Variants in CNTNAP2 observed in about 807,000 individuals in gnomAD.
The protein encoded by CNTNAP2 is contactin associated protein 2.
CNTNAP2 carries 98 observed loss-of-function variants against 155.2 expected under a neutral mutation model. The ratio of observed to expected loss-of-function variants is 0.63; its 90% CI spans 0.54 to 0.75. CNTNAP2 has a LOEUF of 0.75. Among genes scored for constraint, CNTNAP2 ranks in the 30% least tolerant of loss-of-function variants. The probability of loss-of-function intolerance (pLI) is 0.00; values close to 1 mark genes in which losing one functional copy is unlikely to be tolerated. For missense variants in CNTNAP2, 1,727 were observed against 1,688.1 expected, an observed-to-expected ratio of 1.02 and a Z score of -0.40; for synonymous variants, 651 against 631.2, an observed-to-expected ratio of 1.03 and a Z score of -0.47.
chr7:146,503,088 T>C (rs1444029245), intron 1 of CNTNAP2, among the ~76,000 whole-genome samples: 1 of 152,234 alleles, frequency 6.6e-6, no homozygotes, highest in Admixed American at 6.5e-5. Flanking sequence ...TTCTGGTTAT[T>C]TATCTTTTGT....
At chr7:148,407,636 C>T (rs1463239867) in intron 22 of CNTNAP2, among the ~76,000 whole-genome samples, 8 of 145,598 alleles carry the variant, frequency 5.5e-5, no homozygotes, top group African/African-American at 2.0e-4. Context: ...CCTGGGAGGT[C>T]CAGGCTGCAG....
intron 21 of CNTNAP2, among the ~76,000 whole-genome samples, chr7:148,318,246 A>T (rs1011925689): frequency 3.9e-5 from 6 of 152,186 alleles, no homozygotes; most frequent in Admixed American, 2.0e-4. Context: ...ATCCACATCC[A>T]TCAAACCGCC....
chr7:147,220,213 A>G (rs1241151093), intron 8 of CNTNAP2, among the ~76,000 whole-genome samples: 2 of 152,152 alleles, frequency 1.3e-5, no homozygotes, highest in Middle Eastern at 3.2e-3. Flanking sequence ...TTTCTCCTTT[A>G]TCAATATGAG....
At chr7:147,878,959 A>G (rs1799472157) in intron 13 of CNTNAP2, among the ~76,000 whole-genome samples, 1 of 152,124 alleles carries the variant, frequency 6.6e-6, no homozygotes, top group Admixed American at 6.5e-5. Flanking sequence ...TCTTTTTGGT[A>G]CTGACTCTGT....
chr7:146,788,115 A>G (rs550878932), intron 2 of CNTNAP2, among the ~76,000 whole-genome samples: 2 of 152,296 alleles, frequency 1.3e-5, no homozygotes, highest in East Asian at 3.9e-4. Flanking sequence ...CAGGCACTCC[A>G]GCAGCCCAGA....
At chr7:146,207,637 GTTTTTT>G (rs57881187) in intron 1 of CNTNAP2, among the ~76,000 whole-genome samples, 1 of 122,358 alleles carries the variant, frequency 8.2e-6, no homozygotes, top group Non-Finnish European at 1.7e-5. Flanking sequence ...ACAGGACTGT[GTTTTTT>G]TTTTTTTTTT....
intron 1 of CNTNAP2, among the ~76,000 whole-genome samples, chr7:146,693,683 A>T (rs1800734955): frequency 6.6e-6 from 1 of 152,132 alleles, no homozygotes; most frequent in Admixed American, 6.6e-5. Flanking sequence ...CAAATGAAAT[A>T]CTGAGCAACA....
At chr7:146,165,782 T>A (rs1798303420) in intron 1 of CNTNAP2, among the ~76,000 whole-genome samples, 1 of 152,196 alleles carries the variant, frequency 6.6e-6, no homozygotes, top group Non-Finnish European at 1.5e-5. Context: ...GGTTATAATA[T>A]ACAAAAATAA....
chr7:148,005,027 A>G (rs572193075), intron 15 of CNTNAP2, among the ~76,000 whole-genome samples: 1 of 152,322 alleles, frequency 6.6e-6, no homozygotes, highest in South Asian at 2.1e-4. Context: ...CCATATTCAC[A>G]GTTACAGACT....
chr7:146,711,170 G>A (rs1374071172), intron 1 of CNTNAP2, among the ~76,000 whole-genome samples: 1 of 150,140 alleles, frequency 6.7e-6, no homozygotes, highest in African/African-American at 2.4e-5. Context: ...ATGCTTGCAA[G>A]GCAGAATTTG....
intron 14 of CNTNAP2, among the ~76,000 whole-genome samples, chr7:147,943,643 C>T (rs1800766028): frequency 6.6e-6 from 1 of 151,686 alleles, no homozygotes; most frequent in African/African-American, 2.4e-5. Context: ...GTGGCACAGG[C>T]TTGTAATCCC....
At chr7:146,240,034 A>G (rs1404057676) in intron 1 of CNTNAP2, among the ~76,000 whole-genome samples, 1 of 152,224 alleles carries the variant, frequency 6.6e-6, no homozygotes, top group Non-Finnish European at 1.5e-5. Flanking sequence ...AGAATATCTT[A>G]TATAACCCAT....
intron 1 of CNTNAP2, among the ~76,000 whole-genome samples, chr7:146,188,747 AT>A: frequency 6.6e-6 from 1 of 152,304 alleles, no homozygotes; most frequent in Non-Finnish European, 1.5e-5. Context: ...AAGTTCATTT[AT>A]TTTGCATCTT....
chr7:147,056,510 C>G (rs1799564196), intron 4 of CNTNAP2, among the ~76,000 whole-genome samples: 2 of 152,156 alleles, frequency 1.3e-5, no homozygotes, highest in Non-Finnish European at 2.9e-5. Flanking sequence ...GGACTCTGAA[C>G]ATGGTTGGAT....
chr7:146,617,800 C>A (rs140288420), intron 1 of CNTNAP2, among the ~76,000 whole-genome samples: 6 of 151,920 alleles, frequency 3.9e-5, no homozygotes, highest in African/African-American at 1.5e-4. Flanking sequence ...AAGTCTGAAA[C>A]GTAAAATTTC....
intron 15 of CNTNAP2, among the ~76,000 whole-genome samples, chr7:147,983,649 A>G (rs998206711): frequency 6.6e-6 from 1 of 152,238 alleles, no homozygotes; most frequent in African/African-American, 2.4e-5. Flanking sequence ...GGTTTAGTCT[A>G]GAAGCAATGT....
At chr7:147,642,074 T>C (rs1158446760) in intron 13 of CNTNAP2, among the ~76,000 whole-genome samples, 1 of 151,920 alleles carries the variant, frequency 6.6e-6, no homozygotes, top group Non-Finnish European at 1.5e-5. Flanking sequence ...AGTCAAAGAC[T>C]GTATGTAGAA....
At chr7:147,464,544 G>C (rs929551591) in intron 10 of CNTNAP2, among the ~76,000 whole-genome samples, 1 of 149,732 alleles carries the variant, frequency 6.7e-6, no homozygotes, top group African/African-American at 2.5e-5. Flanking sequence ...ATGTGACCTT[G>C]AGCACTCTTA....
At chr7:148,036,745 C>T (rs1802579996) in intron 15 of CNTNAP2, among the ~76,000 whole-genome samples, 1 of 152,060 alleles carries the variant, frequency 6.6e-6, no homozygotes, top group African/African-American at 2.4e-5. Context: ...GCTGCAGAAT[C>T]AAGTCTAGAA....
Sources: allele counts gnomAD v4.1 joint callset (sites outside exome capture counted in the v4.1 genomes callset), GRCh38; gene constraint gnomAD v4.1.1; transcripts MANE v1.5; gene names NCBI Gene and HGNC (gene_info 2026-07-23, HGNC 2026-07-21).